Variants in ERBB4 observed in about 807,000 individuals in gnomAD.
ERBB4 encodes the protein receptor tyrosine-protein kinase erbB-4.
A neutral mutation model predicts 158.0 loss-of-function variants in ERBB4; 42 were observed. That is an observed-to-expected ratio of 0.27 (90% CI 0.21 to 0.34). The LOEUF (loss-of-function observed/expected upper bound fraction) is 0.34. Ranked by LOEUF, ERBB4 falls within the 10% of genes least tolerant of loss-of-function variation. The probability of loss-of-function intolerance (pLI) is 1.00; values close to 1 mark genes in which losing one functional copy is unlikely to be tolerated. For synonymous variants in ERBB4, 583 were observed against 558.7 expected (o/e 1.04, Z -0.61); for missense variants, 1,333 against 1,624.1 (o/e 0.82, Z 3.08).
At chr2:212,147,812 A>C (rs1377699213) in intron 1 of ERBB4, among the ~76,000 whole-genome samples, 1 of 152,178 alleles carries the variant, frequency 6.6e-6, no homozygotes, top group Non-Finnish European at 1.5e-5. Flanking sequence ...TCCGTGAAGA[A>C]ACTGGCTTTC....
intron 2 of ERBB4, among the ~76,000 whole-genome samples, chr2:211,983,799 G>A (rs1268329046): frequency 2.0e-5 from 3 of 152,204 alleles, no homozygotes; most frequent in Non-Finnish European, 4.4e-5. Flanking sequence ...ATTAAGAATA[G>A]AGATCTGCTA....
intron 20 of ERBB4, among the ~76,000 whole-genome samples, chr2:211,550,444 A>G (rs1288770375): frequency 6.6e-6 from 1 of 151,574 alleles, no homozygotes; most frequent in Non-Finnish European, 1.5e-5. Flanking sequence ...ATGAGGAAAG[A>G]GGAAATGACG....
chr2:211,652,403 C>T (rs2105885851), intron 16 of ERBB4, among the ~76,000 whole-genome samples: 1 of 152,284 alleles, frequency 6.6e-6, no homozygotes, highest in East Asian at 1.9e-4. Context: ...CATAATACAA[C>T]TGCCACTCAT....
chr2:212,401,655 C>G (rs2106463979), intron 1 of ERBB4, among the ~76,000 whole-genome samples: 1 of 151,996 alleles, frequency 6.6e-6, no homozygotes, highest in South Asian at 2.1e-4. Context: ...AGAAATTAAC[C>G]ATTATGTTTA....
intron 25 of ERBB4, among the ~76,000 whole-genome samples, chr2:211,389,392 TAAG>T (rs1297405431): frequency 2.0e-5 from 3 of 152,206 alleles, no homozygotes; most frequent in African/African-American, 7.2e-5. Context: ...TGAAGCATTC[TAAG>T]AAGAATATGG....
intron 3 of ERBB4, among the ~76,000 whole-genome samples, chr2:211,943,489 C>T (rs1194683898): frequency 6.6e-6 from 1 of 151,928 alleles, no homozygotes; most frequent in African/African-American, 2.4e-5. Context: ...TCCCAATGGC[C>T]TCAAGATAGA....
intron 2 of ERBB4, among the ~76,000 whole-genome samples, chr2:211,964,341 T>C (rs1399308211): frequency 1.3e-5 from 2 of 152,218 alleles, no homozygotes; most frequent in Non-Finnish European, 2.9e-5. Context: ...CCATTTCATA[T>C]AAATATCACA....
intron 20 of ERBB4, among the ~76,000 whole-genome samples, chr2:211,547,396 T>C (rs2066971207): frequency 6.6e-6 from 1 of 152,142 alleles, no homozygotes; most frequent in African/African-American, 2.4e-5. Context: ...TTGTTTCTCC[T>C]ATTTCCAGAA....
At chr2:212,183,491 A>T (rs2081932720) in intron 1 of ERBB4, among the ~76,000 whole-genome samples, 1 of 152,036 alleles carries the variant, frequency 6.6e-6, no homozygotes, top group Non-Finnish European at 1.5e-5. Flanking sequence ...CAATGATGAG[A>T]TATCACTAAA....
chr2:211,761,630 G>A (rs1364844678), intron 4 of ERBB4, among the ~76,000 whole-genome samples: 2 of 152,044 alleles, frequency 1.3e-5, no homozygotes, highest in African/African-American at 4.8e-5. Context: ...GTTTATTAAA[G>A]TTCAGCAGTA....
chr2:211,553,696 T>C (rs1418048950), intron 20 of ERBB4, among the ~76,000 whole-genome samples: 1 of 152,180 alleles, frequency 6.6e-6, no homozygotes. Flanking sequence ...GTTATCCCCC[T>C]TTTCAAGAGC....
rs2067410956 is a variant in ERBB4, at chr2:211,562,084, G to C, written c.2306C>G (p.Ala769Gly). 1.2e-6 allele frequency: 2 copies of C among 1,612,644 alleles called. No individual in the cohort carries two copies. The highest frequency in any genetic ancestry group is 3.3e-5 in the Admixed American group (2 of 59,994). The part of the protein sequence containing the change: ...PKANVEFMDE[A>G]LIMASMDHPH... ...ATGATCCATACTTGCCATGATCAGA[G>C]CTTCCTGTAAGAAAAAAATGCAATA... Residue 769 changes from alanine (A) to glycine (G), a missense_variant, in exon 20 of 28, where the codon GCT (alanine) becomes GGT (glycine). Physicochemically the swap from Ala to Gly is moderately conservative, Grantham distance 60. Around this residue, in one of 5 missense-constraint regions of ERBB4, gnomAD observed 314 missense variants for 437.6 expected, o/e 0.72. Coordinates refer to ENST00000342788, the MANE Select transcript of ERBB4 (RefSeq NM_005235.3).
chr2:212,466,583 T>C (rs2106097672), intron 1 of ERBB4, among the ~76,000 whole-genome samples: 1 of 152,346 alleles, frequency 6.6e-6, no homozygotes, highest in East Asian at 1.9e-4. Flanking sequence ...GACTTGCTCC[T>C]ACTTGCCTTC....
chr2:211,593,137 A>G (rs2068527136), intron 19 of ERBB4, among the ~76,000 whole-genome samples: 1 of 152,160 alleles, frequency 6.6e-6, no homozygotes. Flanking sequence ...TCTAGCAGAA[A>G]GTCAATGGGG....
chr2:211,400,244 T>G (rs144004387), intron 25 of ERBB4, among the ~76,000 whole-genome samples: 4 of 152,256 alleles, frequency 2.6e-5, no homozygotes, highest in Non-Finnish European at 5.9e-5. Flanking sequence ...CTTTATAAGC[T>G]CGTGTTTATG....
intron 19 of ERBB4, among the ~76,000 whole-genome samples, chr2:211,594,559 TTTTTA>T (rs1370039215): frequency 1.3e-5 from 2 of 152,224 alleles, no homozygotes; most frequent in African/African-American, 4.8e-5. Context: ...GCCATAGCTA[TTTTTA>T]TTTTTTCTCA....
chr2:211,805,088 T>G (rs900267950), intron 3 of ERBB4, among the ~76,000 whole-genome samples: 3 of 152,110 alleles, frequency 2.0e-5, no homozygotes, highest in African/African-American at 7.2e-5. Context: ...CTCAGCTAAA[T>G]TTGTATTTTT....
At chr2:212,001,996 T>C (rs2076117108) in intron 2 of ERBB4, among the ~76,000 whole-genome samples, 1 of 152,168 alleles carries the variant, frequency 6.6e-6, no homozygotes, top group South Asian at 2.1e-4. Flanking sequence ...TTGGCGTACA[T>C]TTATGTATCC....
intron 20 of ERBB4, among the ~76,000 whole-genome samples, chr2:211,472,677 A>C (rs1372302430): frequency 4.0e-5 from 6 of 151,828 alleles, no homozygotes; most frequent in Non-Finnish European, 8.8e-5. Context: ...CCTTTTACTT[A>C]TTCTTCAATC....
Sources: gnomAD v4.1 joint callset for allele counts (sites outside exome capture counted in the v4.1 genomes callset) on GRCh38, gnomAD v4.1.1 for gene constraint, gnomAD v4.1.1 regional missense constraint, MANE v1.5 for transcripts, NCBI Gene and HGNC (gene_info 2026-07-23, HGNC 2026-07-21) for gene names.